BMPR2: variants seen among roughly 807,000 people sequenced by gnomAD.
BMPR2 encodes bone morphogenetic protein receptor type-2.
In BMPR2, 29 loss-of-function variants were observed where a neutral mutation model predicts 100.8. That is an observed-to-expected ratio of 0.29 (90% CI 0.21 to 0.39). BMPR2 has a LOEUF of 0.39. Among genes scored for constraint, BMPR2 ranks in the 10% least tolerant of loss-of-function variants. BMPR2 has a pLI of 1.00. For missense variants in BMPR2, 1,011 were observed against 1,274.5 expected (o/e 0.79, Z 3.15); for synonymous variants, 382 against 442.3 (o/e 0.86, Z 1.71).
intron 7 of BMPR2, among the ~76,000 whole-genome samples, chr2:202,527,915 A>G (rs1053049481): frequency 5.9e-5 from 9 of 151,910 alleles, no homozygotes; most frequent in African/African-American, 1.9e-4. Context: ...TGGGCATGGT[A>G]GTTCATCCCT....
intron 3 of BMPR2, among the ~76,000 whole-genome samples, chr2:202,506,549 C>T (rs1031621094): frequency 2.0e-5 from 3 of 152,138 alleles, no homozygotes; most frequent in East Asian, 1.9e-4. Flanking sequence ...AAGGTTCTAC[C>T]TCCATATACT....
At position 202,564,935 on chromosome 2, in the gene BMPR2, A is replaced by T. The variant is rs1019971933; in HGVS notation, c.*4989A>T. The stretch of plus-strand genomic sequence containing the variant: ...GTGGCACGCGCCTGTAGTCCCAGCT[A>T]CTCGGGAGGCAGAGACAGGAGAATC... On this transcript the variant is annotated 3_prime_UTR_variant, in exon 13 of 13. Transcript: ENST00000374580. 5.3e-5 allele frequency: 8 copies of T among 152,150 alleles called. No homozygotes were observed. The highest frequency in any genetic ancestry group is 1.9e-4 in the African/African-American group (8 of 41,392). 9.4% of individuals were successfully genotyped at this position (152,150 alleles called of 1,614,324 possible).
At chr2:202,481,081 G>C (rs956725502) in intron 3 of BMPR2, among the ~76,000 whole-genome samples, 2 of 151,136 alleles carry the variant, frequency 1.3e-5, no homozygotes, top group African/African-American at 4.9e-5. Context: ...GGACCACACT[G>C]TCTTGATAAC....
intron 3 of BMPR2, among the ~76,000 whole-genome samples, chr2:202,501,870 T>C (rs1687402932): frequency 6.6e-6 from 1 of 152,176 alleles, no homozygotes; most frequent in South Asian, 2.1e-4. Context: ...TGCCAACAAA[T>C]TATAGTCCAG....
intron 1 of BMPR2, among the ~76,000 whole-genome samples, chr2:202,453,938 T>C (rs1248557295): frequency 2.6e-5 from 4 of 152,190 alleles, no homozygotes; most frequent in Non-Finnish European, 5.9e-5. Flanking sequence ...ACCTCATATA[T>C]ACCTACTATG....
chr2:202,464,248 A>AT (rs981238299), intron 1 of BMPR2, among the ~76,000 whole-genome samples: 3 of 148,142 alleles, frequency 2.0e-5, no homozygotes, highest in Non-Finnish European at 4.5e-5. Flanking sequence ...CAATTCAGTT[A>AT]TTTTTTTTGC....
intron 3 of BMPR2, among the ~76,000 whole-genome samples, chr2:202,510,375 C>T (rs1687597331): frequency 1.3e-5 from 2 of 152,164 alleles, no homozygotes; most frequent in Admixed American, 6.6e-5. Context: ...TGAGATCGTA[C>T]ATCTGTGACA....
intron 1 of BMPR2, among the ~76,000 whole-genome samples, chr2:202,428,461 C>T (rs370874376): frequency 2.6e-5 from 4 of 152,030 alleles, no homozygotes; most frequent in Non-Finnish European, 5.9e-5. Flanking sequence ...CGCAATGGTG[C>T]GGTCATAGCT....
At chr2:202,466,488 T>C (rs1692325717) in intron 2 of BMPR2, among the ~76,000 whole-genome samples, 1 of 152,126 alleles carries the variant, frequency 6.6e-6, no homozygotes, top group African/African-American at 2.4e-5. Context: ...AGTTTTGCCA[T>C]GTTGGCCAGG....
chr2:202,496,998 C>T (rs558490464), intron 3 of BMPR2, among the ~76,000 whole-genome samples: 75 of 152,380 alleles, frequency 4.9e-4, no homozygotes, highest in African/African-American at 1.5e-3. Flanking sequence ...GGGCCCCGCA[C>T]TCGGAGCAGC....
chr2:202,405,388 T>C (rs528682404), intron 1 of BMPR2, among the ~76,000 whole-genome samples: 43 of 152,148 alleles, frequency 2.8e-4, no homozygotes, highest in African/African-American at 9.9e-4. Context: ...GGCTCCCTTA[T>C]TCAAAAAGCA....
chr2:202,522,829 A>G (rs1346474271), intron 7 of BMPR2, among the ~76,000 whole-genome samples: 1 of 146,424 alleles, frequency 6.8e-6, no homozygotes. Flanking sequence ...GACATCGTCT[A>G]AAAAAAAAAA....
intron 1 of BMPR2, among the ~76,000 whole-genome samples, chr2:202,380,911 GCCTGGCCCTGGC>G (rs57602681): frequency 0.044 from 6,193 of 140,746 alleles, 197 homozygotes; most frequent in Middle Eastern, 0.097. Context: ...GGGCCACTGT[GCCTGGCCCTGGC>G]CCTGGCCCTG....
chr2:202,519,048 C>A lies in BMPR2; in HGVS notation c.848C>A (p.Pro283His). ...MEYLLVMEYYPNGSLCKYLSL... is the reference protein window; with the variant it reads ...MEYLLVMEYYHNGSLCKYLSL... ...TATTTGCTTGTGATGGAGTACTATC[C>A]CAATGTAAGTTCTTCATAGAAAATA... Residue 283 changes from proline to histidine, a missense_variant, in exon 6 of 13, where the codon CCC (proline) becomes CAC (histidine). Pro to His is a moderately conservative substitution (Grantham distance 77). Around this residue, in one of 6 missense-constraint regions of BMPR2, gnomAD observed 355 missense variants for 455.3 expected, o/e 0.78. Transcript: ENST00000374580. 6.2e-7 allele frequency: 1 copy of A among 1,613,144 alleles called. No homozygotes were observed. Among genetic ancestry groups the A allele is most frequent in the Non-Finnish European group, 8.5e-7 (1 of 1,179,312 alleles).
chr2:202,465,957 CT>C (rs1198940194), intron 2 of BMPR2, among the ~76,000 whole-genome samples: 2 of 152,036 alleles, frequency 1.3e-5, no homozygotes, highest in African/African-American at 2.4e-5. Context: ...CTCTGAAAAC[CT>C]TTTTAACTTT....
intron 3 of BMPR2, among the ~76,000 whole-genome samples, chr2:202,506,242 C>T (rs998827631): frequency 6.6e-5 from 10 of 152,058 alleles, no homozygotes; most frequent in Non-Finnish European, 8.8e-5. Context: ...CTGCAACCTC[C>T]GCTTCTTGGG....
At chr2:202,461,341 G>C (rs1156732676) in intron 1 of BMPR2, among the ~76,000 whole-genome samples, 1 of 151,942 alleles carries the variant, frequency 6.6e-6, no homozygotes, top group Non-Finnish European at 1.5e-5. Flanking sequence ...AAAATTAGCC[G>C]GGCGTGGTGA....
At chr2:202,383,838 G>A (rs1227899194) in intron 1 of BMPR2, among the ~76,000 whole-genome samples, 2 of 151,524 alleles carry the variant, frequency 1.3e-5, no homozygotes, top group East Asian at 1.9e-4. Flanking sequence ...GTGACAGGGC[G>A]AGACTCCATC....
At chr2:202,419,832 A>T (rs1355224678) in intron 1 of BMPR2, among the ~76,000 whole-genome samples, 1 of 152,134 alleles carries the variant, frequency 6.6e-6, no homozygotes, top group Non-Finnish European at 1.5e-5. Context: ...AAGCAATATG[A>T]GAAATTAGAA....
Sources: gnomAD v4.1 joint callset for allele counts (sites outside exome capture counted in the v4.1 genomes callset) on GRCh38, gnomAD v4.1.1 for gene constraint, gnomAD v4.1.1 regional missense constraint, MANE v1.5 for transcripts, NCBI Gene and HGNC (gene_info 2026-07-23, HGNC 2026-07-21) for gene names.